BRD7: variants seen among roughly 807,000 people sequenced by gnomAD.
The protein encoded by BRD7 is bromodomain-containing protein 7.
BRD7 carries 15 observed loss-of-function variants against 82.1 expected under a neutral mutation model. That is an observed-to-expected ratio of 0.18 (90% CI 0.12 to 0.28). The LOEUF (loss-of-function observed/expected upper bound fraction) is 0.28. Among genes scored for constraint, BRD7 ranks in the 10% least tolerant of loss-of-function variants. The pLI is 1.00. For synonymous variants in BRD7, 232 were observed against 266.9 expected (o/e 0.87, Z 1.27); for missense variants, 638 against 779.9 (o/e 0.82, Z 2.17).
Position 50,319,243 on chromosome 16 carries a change from C to G in BRD7, c.1924G>C (p.Asp642His). ...TEDTEEPKKT[D>H]VAECGPGGS is the part of the protein sequence containing the mutation. Reference sequence around the variant, plus strand: ...CCACCAGGTCCACACTCAGCAACATCCGTCTTTTTAGGTTCTTCAGTGTCT... The same window carrying G: ...CCACCAGGTCCACACTCAGCAACATGCGTCTTTTTAGGTTCTTCAGTGTCT... Residue 642 changes from aspartate (D) to histidine (H), a missense_variant, in exon 17 of 17, where the codon GAT (aspartate) becomes CAT (histidine). This residue lies in a region of BRD7 where 402 missense variants were observed against 500.8 expected (regional missense o/e 0.80). Coordinates refer to ENST00000394688, the MANE Select transcript of BRD7 (RefSeq NM_013263.5). 2.5e-6 allele frequency: 4 copies of G among 1,613,736 alleles called. No individual in the cohort carries two copies. Among genetic ancestry groups the G allele is most frequent in the Non-Finnish European group, 3.4e-6 (4 of 1,179,874 alleles).
At position 50,368,963 on chromosome 16, in the gene BRD7, A is replaced by T. The variant is rs1289089563; in HGVS notation, c.-189T>A. The T allele has an allele frequency of 3.8e-5, 6 of 158,442 alleles. No individual in the cohort carries two copies. The highest frequency in any genetic ancestry group is 1.6e-4 in the African/African-American group (6 of 37,712). 9.8% of individuals were successfully genotyped at this position (158,442 alleles called of 1,614,324 possible). On this transcript the variant is annotated 5_prime_UTR_variant, in exon 1 of 17. Transcript: ENST00000394688. ...AAGACGGCGCGCGAGACCCGGCCGGAGCCCGAGAGCGGCGGCGGGGGGGGC... is the reference window on the plus strand; with the variant it reads ...AAGACGGCGCGCGAGACCCGGCCGGTGCCCGAGAGCGGCGGCGGGGGGGGC...
chr16:50,352,701 G>GTTTT (rs34714781), intron 4 of BRD7, among the ~76,000 whole-genome samples: 5 of 127,612 alleles, frequency 3.9e-5, no homozygotes, highest in Non-Finnish European at 6.6e-5. Flanking sequence ...TGCCAGCTTT[G>GTTTT]TTTTTTTTTT....
At chr16:50,359,254 T>C (rs940253807) in intron 2 of BRD7, among the ~76,000 whole-genome samples, 1 of 152,238 alleles carries the variant, frequency 6.6e-6, no homozygotes, top group African/African-American at 2.4e-5. Flanking sequence ...GCCTCGTCAC[T>C]AGTAGGTGAC....
At chr16:50,361,280 A>G (rs1274331511) in intron 2 of BRD7, among the ~76,000 whole-genome samples, 1 of 152,244 alleles carries the variant, frequency 6.6e-6, no homozygotes, top group Non-Finnish European at 1.5e-5. Context: ...TGTAATTTTC[A>G]TTAAAGTTTT....
In BRD7 at chr16:50,316,047, G is replaced by C. The variant is rs2036784221; in HGVS notation, c.*3164C>G. On this transcript the variant is annotated 3_prime_UTR_variant, in exon 17 of 17. Coordinates refer to ENST00000394688, the MANE Select transcript of BRD7 (RefSeq NM_013263.5). ...ATCTGTAAACGGTTTCAAACAGGTA[G>C]AGAGAAAAACACCACAATTAACACT... The C allele has an allele frequency of 6.5e-6, 1 of 153,352 alleles. No homozygotes were observed. Among genetic ancestry groups the C allele is most frequent in the Non-Finnish European group, 1.5e-5 (1 of 68,784 alleles). The allele number at this position is 153,352 out of a possible 1,614,324, so 9.5% of individuals were successfully genotyped here. A position where few individuals can be genotyped will look rare whatever the true frequency, so the allele number is the denominator to read the frequency against.
At chr16:50,320,808 G>T (rs372678031) in intron 13 of BRD7, 34 bp from the exon 14 acceptor site, 2 of 1,438,464 alleles carry the variant, frequency 1.4e-6, no homozygotes, top group Non-Finnish European at 2.0e-6. Context: ...AATTACTGGC[G>T]CTTGCTAAGC....
chr16:50,349,683 GA>G (rs1222385223), intron 5 of BRD7: 1 of 444,398 alleles, frequency 2.3e-6, no homozygotes, highest in African/African-American at 2.1e-5. Context: ...TCTAGAAATA[GA>G]AAAAACCCTC....
intron 4 of BRD7, among the ~76,000 whole-genome samples, chr16:50,351,270 G>A (rs1472701501): frequency 1.3e-5 from 2 of 152,138 alleles, no homozygotes; most frequent in Non-Finnish European, 2.9e-5. Context: ...TATCTATCCT[G>A]AGTCATGCAT....
At chr16:50,348,675 G>A (rs532472780) in intron 5 of BRD7, among the ~76,000 whole-genome samples, 2,417 of 152,202 alleles carry the variant, frequency 0.016, 64 homozygotes, top group African/African-American at 0.055. Flanking sequence ...ATCACTGGCA[G>A]TCGGAGAAAT....
At chr16:50,355,110 G>C (rs1470323771) in intron 2 of BRD7, among the ~76,000 whole-genome samples, 188 bp from the exon 3 acceptor site, 4 of 151,932 alleles carry the variant, frequency 2.6e-5, no homozygotes, top group African/African-American at 9.7e-5. Flanking sequence ...AAACAAAGGG[G>C]GTCTCTATGC....
At chr16:50,319,828 T>C in intron 16 of BRD7, 59 bp downstream of exon 16, 2 of 1,563,342 alleles carry the variant, frequency 1.3e-6, no homozygotes, top group Non-Finnish European at 1.7e-6. Flanking sequence ...GGGCAGACAC[T>C]GAGGGATGAC....
Position 50,318,582 on chromosome 16 carries a change from G to A in BRD7, c.*629C>T, listed in dbSNP as rs2151124777. 1 of 152,346 alleles carries A rather than the reference G, an allele frequency of 6.6e-6. No individual in the cohort carries two copies. Among genetic ancestry groups the A allele is most frequent in the Admixed American group, 6.5e-5 (1 of 15,306 alleles). 9.4% of individuals were successfully genotyped at this position (152,346 alleles called of 1,614,324 possible). On this transcript the variant is annotated 3_prime_UTR_variant, in exon 17 of 17. Coordinates refer to ENST00000394688, the MANE Select transcript of BRD7 (RefSeq NM_013263.5). ...CCTTTGTATTTCAGATAAACAGTAA[G>A]TAAAGTAGAAATGTCACCTTTTGGT...
intron 2 of BRD7, among the ~76,000 whole-genome samples, chr16:50,366,820 A>C (rs1009634323): frequency 6.6e-6 from 1 of 152,214 alleles, no homozygotes; most frequent in Non-Finnish European, 1.5e-5. Context: ...AATTAAAAAA[A>C]ACAACTGGTT....
At chr16:50,347,787 C>A (rs2038349674) in intron 5 of BRD7, among the ~76,000 whole-genome samples, 1 of 152,198 alleles carries the variant, frequency 6.6e-6, no homozygotes, top group Non-Finnish European at 1.5e-5. Context: ...AAGAACATTC[C>A]ATGCTCATGG....
At chr16:50,326,442 A>C in intron 9 of BRD7, 51 bp from the exon 10 acceptor site, 1 of 1,330,068 alleles carries the variant, frequency 7.5e-7, no homozygotes, top group East Asian at 2.5e-5. Flanking sequence ...GCCATGACCC[A>C]CGGGGCCCTC....
intron 5 of BRD7, among the ~76,000 whole-genome samples, chr16:50,340,415 T>C (rs994308041): frequency 6.6e-6 from 1 of 152,220 alleles, no homozygotes; most frequent in Non-Finnish European, 1.5e-5. Context: ...AAGAAAATAC[T>C]TCTATTTCAT....
At chr16:50,340,468 T>C (rs780089406) in intron 5 of BRD7, among the ~76,000 whole-genome samples, 3 of 152,150 alleles carry the variant, frequency 2.0e-5, no homozygotes, top group Non-Finnish European at 4.4e-5. Flanking sequence ...ATAAAAAAAA[T>C]ATTACTCCTA....
intron 4 of BRD7, among the ~76,000 whole-genome samples, chr16:50,351,623 C>T (rs2038526626): frequency 6.6e-6 from 1 of 152,204 alleles, no homozygotes; most frequent in Non-Finnish European, 1.5e-5. Context: ...GATGAAGAAT[C>T]ATCCAATCAC....
intron 1 of BRD7, 122 bp from the exon 2 acceptor site, chr16:50,368,420 A>T: frequency 9.2e-7 from 1 of 1,092,078 alleles, no homozygotes; most frequent in Non-Finnish European, 1.3e-6. Context: ...GCGCTCCGCG[A>T]AGCACCTGTT....
Sources: allele counts gnomAD v4.1 joint callset (sites outside exome capture counted in the v4.1 genomes callset), GRCh38; gene constraint gnomAD v4.1.1; regional missense constraint gnomAD v4.1.1; transcripts MANE v1.5; gene names NCBI Gene and HGNC (gene_info 2026-07-23, HGNC 2026-07-21).